Variants in DEDD observed in about 807,000 individuals in gnomAD.
The protein encoded by DEDD is death effector domain-containing protein.
A neutral mutation model predicts 29.2 loss-of-function variants in DEDD; 3 were observed. The ratio of observed to expected loss-of-function variants is 0.10; its 90% CI spans 0.05 to 0.27. The LOEUF (loss-of-function observed/expected upper bound fraction) is 0.27. DEDD is among the 10% of genes least tolerant of loss of function. The probability of loss-of-function intolerance (pLI) is 1.00; values close to 1 mark genes in which losing one functional copy is unlikely to be tolerated. For missense variants in DEDD, 261 were observed against 420.5 expected (o/e 0.62, Z 3.32); for synonymous variants, 152 against 161.3 (o/e 0.94, Z 0.44).
chr1:161,123,225 A>G lies in DEDD; in HGVS notation c.434-4T>C. 1 of 1,611,798 alleles carries G rather than the reference A, an allele frequency of 6.2e-7. No individual in the cohort carries two copies. Among genetic ancestry groups the G allele is most frequent in the Non-Finnish European group, 8.5e-7 (1 of 1,177,934 alleles). ...ACCACAGGATAGTGGGGAGGCACTG[A>G]CCAGAAAGTAAAAGGGAAGAAAACA... is the stretch of plus-strand genomic sequence containing the variant. On this transcript the variant is annotated splice_polypyrimidine_tract_variant and splice_region_variant and intron_variant, in intron 4 of 5. Coordinates refer to ENST00000368006, the MANE Select transcript of DEDD (RefSeq NM_032998.3).
intron 2 of DEDD, among the ~76,000 whole-genome samples, chr1:161,126,116 T>G (rs1571231053): frequency 6.6e-6 from 1 of 152,290 alleles, no homozygotes; most frequent in South Asian, 2.1e-4. Context: ...ATTTCTTAAA[T>G]CTATCCTACC....
chr1:161,132,650 CGCCGCCGCCGCG>C lies in DEDD; in HGVS notation c.-209_-198del. ...TCCGGGCTCCAGCAGCCGCCGCCGC[CGCCGCCGCCGCG>C]GCCGTGGGGGAGGGGACAGGCGGGC... On this transcript the variant is annotated 5_prime_UTR_variant, in exon 1 of 6. Coordinates refer to ENST00000368006, the MANE Select transcript of DEDD (RefSeq NM_032998.3). 1 of 167,252 alleles carries C rather than the reference CGCCGCCGCCGCG, an allele frequency of 6.0e-6. No individual in the cohort carries two copies. Among genetic ancestry groups the C allele is most frequent in the Non-Finnish European group, 1.2e-5 (1 of 80,008 alleles). 10.4% of individuals were successfully genotyped at this position (167,252 alleles called of 1,614,324 possible). A position where few individuals can be genotyped will look rare whatever the true frequency, so the allele number is the denominator to read the frequency against.
chr1:161,129,842 T>G (rs191446142), intron 2 of DEDD, among the ~76,000 whole-genome samples: 9 of 152,228 alleles, frequency 5.9e-5, no homozygotes, highest in Non-Finnish European at 1.0e-4. Flanking sequence ...CTGGCTGTAT[T>G]TGAGATAGTA....
In DEDD at chr1:161,124,772, G is replaced by A. The variant is rs921819848; in HGVS notation, c.-64-246C>T. 1.1e-5 allele frequency: 3 copies of A among 279,908 alleles called. No individual in the cohort carries two copies. In the East Asian group the frequency reaches 2.2e-4, roughly 20 times the overall value. 17.3% of individuals were successfully genotyped at this position (279,908 alleles called of 1,614,324 possible). On this transcript the variant is annotated intron_variant, in intron 2 of 5. Transcript: ENST00000368006. ...AGCCCAGGCGTTTAAGACCAGCCTG[G>A]GCAACATAGGGAGACCCGTTTCTAC...
At chr1:161,124,948 T>A (rs1014395221) in intron 2 of DEDD, 1 of 156,802 alleles carries the variant, frequency 6.4e-6, no homozygotes. Flanking sequence ...AGAAAAAAAT[T>A]AGCAAGGCAT....
chr1:161,123,190 G>C lies in DEDD; in HGVS notation c.465C>G (p.Pro155=), dbSNP rs748205290. 1.9e-6 allele frequency: 3 copies of C among 1,614,056 alleles called. No homozygotes were observed. In the Admixed American group the frequency reaches 5.0e-5, roughly 27 times the overall value. The part of the protein sequence containing the change: ...VPPHYPVVCC[P]TSGPQMCSKR... ...TGCTACACATCTGAGGACCCGAAGT[G>C]GGGCAACACACCACAGGATAGTGGG... Residue 155 remains proline (P), a synonymous_variant, in exon 5 of 6, where the codon CCC becomes CCG. Transcript: ENST00000368006.
rs549406792 is a variant in DEDD, at chr1:161,125,654, A to AC, written c.-64-1129dup. On this transcript the variant is annotated intron_variant, in intron 2 of 5. Transcript: ENST00000368006. Reference sequence around the variant, plus strand: ...GTAGCTGGGATTACAGGCACGCACCACCACGTCTTGCTAATTTTTGTATTT... The same window carrying AC: ...GTAGCTGGGATTACAGGCACGCACCACCCACGTCTTGCTAATTTTTGTATTT... Among the ~76,000 whole-genome samples, 25 of 152,202 alleles carry AC rather than the reference A, an allele frequency of 1.6e-4. 1 individual carries two copies. In the East Asian group the frequency reaches 4.8e-3, roughly 29 times the overall value.
At chr1:161,124,063 C>G in intron 3 of DEDD, 75 bp downstream of exon 3, 1 of 1,577,956 alleles carries the variant, frequency 6.3e-7, no homozygotes, top group East Asian at 2.2e-5. Context: ...TGTGTCCTCC[C>G]CTTTGGACGC....
At chr1:161,125,872 G>A (rs1365255124) in intron 2 of DEDD, among the ~76,000 whole-genome samples, 2 of 152,128 alleles carry the variant, frequency 1.3e-5, no homozygotes, top group East Asian at 3.9e-4. Context: ...ACCAATCACA[G>A]CTCCACATTC....
intron 2 of DEDD, 23 bp from the exon 3 acceptor site, chr1:161,124,549 G>T (rs1487364114): frequency 6.6e-7 from 1 of 1,520,390 alleles, no homozygotes; most frequent in Non-Finnish European, 8.8e-7. Context: ...GGAAAGAACC[G>T]ATGAGACACT....
chr1:161,126,251 G>A (rs758816443), intron 2 of DEDD, among the ~76,000 whole-genome samples: 3 of 151,534 alleles, frequency 2.0e-5, no homozygotes, highest in African/African-American at 7.3e-5. Context: ...ATCTAGTTCA[G>A]TTAGCTGTCT....
intron 2 of DEDD, among the ~76,000 whole-genome samples, chr1:161,128,689 G>A (rs1656384691): frequency 6.6e-6 from 1 of 152,032 alleles, no homozygotes; most frequent in Non-Finnish European, 1.5e-5. Flanking sequence ...TGCCAAGGAT[G>A]AGAAACCCTA....
chr1:161,127,425 CAAAGCTGATAGAG>C (rs1011022894), intron 2 of DEDD, among the ~76,000 whole-genome samples: 1 of 152,168 alleles, frequency 6.6e-6, no homozygotes, highest in Non-Finnish European at 1.5e-5. Context: ...TTTGGAAAAA[CAAAGCTGATAGAG>C]AAAGCTGAAG....
Position 161,122,133 on chromosome 1 carries a change from G to T in DEDD, c.*14C>A. The T allele has an allele frequency of 6.2e-7, 1 of 1,611,294 alleles. No homozygotes were observed. Among genetic ancestry groups the T allele is most frequent in the Non-Finnish European group, 8.5e-7 (1 of 1,179,130 alleles). ...GTGATGGGAACAGTCCCCAAAGTGAGAAGAGGGAATAGGTCAGGGCAATGC... is the reference window on the plus strand; with the variant it reads ...GTGATGGGAACAGTCCCCAAAGTGATAAGAGGGAATAGGTCAGGGCAATGC... On this transcript the variant is annotated 3_prime_UTR_variant, in exon 6 of 6. Coordinates refer to ENST00000368006, the MANE Select transcript of DEDD (RefSeq NM_032998.3). The surrounding 1 kb of genome is among the most constrained non-coding windows in gnomAD (Gnocchi z 4.2).
intron 1 of DEDD, 172 bp from the exon 2 acceptor site, chr1:161,131,019 C>T (rs1257889618): frequency 6.6e-6 from 1 of 152,190 alleles, no homozygotes; most frequent in East Asian, 1.9e-4. Context: ...CAACAAGTCT[C>T]CAGGCTTCCC....
chr1:161,131,522 C>T (rs1411687845), intron 1 of DEDD, among the ~76,000 whole-genome samples: 1 of 152,146 alleles, frequency 6.6e-6, no homozygotes, highest in Non-Finnish European at 1.5e-5. Context: ...TCCACCTTAG[C>T]ATATAGGGTT....
rs1450062981 is a variant in DEDD at position 161,123,935 on chromosome 1, G to C, written c.337C>G (p.Leu113Val). Reference protein sequence around the residue: ...LKRRRAVCPDLVDKYLEETSI... With the variant: ...LKRRRAVCPDVVDKYLEETSI... ...GTCTCCTCCAGATACTTGTCTACAA[G>C]ATCAGGGCACACTGTAGGAGGAGAA... The change falls in exon 4 of 6, where the codon CTT becomes GTT. Residue 113 changes from leucine to valine, a missense_variant. Leu to Val is a conservative substitution (Grantham distance 32, BLOSUM62 1). Coordinates refer to ENST00000368006, the MANE Select transcript of DEDD (RefSeq NM_032998.3). The C allele has an allele frequency of 1.2e-6, 2 of 1,613,956 alleles. No individual in the cohort carries two copies. The highest frequency in any genetic ancestry group is 1.7e-6 in the Non-Finnish European group (2 of 1,179,996).
rs1571213683 is a variant in DEDD, at chr1:161,121,969, A to G, written c.*178T>C. The G allele has an allele frequency of 6.6e-6, 5 of 753,920 alleles. No homozygotes were observed. The highest frequency in any genetic ancestry group is 1.8e-5 in the African/African-American group (1 of 56,198). The allele number at this position is 753,920 out of a possible 1,614,324, so 46.7% of individuals were successfully genotyped here. The stretch of plus-strand genomic sequence containing the variant: ...GGAAATAAAGGGGAAGCCCAGGCAC[A>G]TGGGTGCAGGGAGGGGTGGGGAATA... On this transcript the variant is annotated 3_prime_UTR_variant, in exon 6 of 6. Coordinates refer to ENST00000368006, the MANE Select transcript of DEDD (RefSeq NM_032998.3).
chr1:161,124,873 AAGGCT>A (rs1655990059), intron 2 of DEDD: 2 of 163,240 alleles, frequency 1.2e-5, no homozygotes, highest in East Asian at 3.5e-4. Context: ...AGGTGGGAGG[AAGGCT>A]TGAGGCCAGG....
Sources: allele counts gnomAD v4.1 joint callset (sites outside exome capture counted in the v4.1 genomes callset), GRCh38; gene constraint gnomAD v4.1.1; non-coding constraint Gnocchi (gnomAD v3.1); transcripts MANE v1.5; gene names NCBI Gene and HGNC (gene_info 2026-07-23, HGNC 2026-07-21).